GNPAT: variants seen among roughly 807,000 people sequenced by gnomAD.
GNPAT encodes glyceronephosphate O-acyltransferase.
A neutral mutation model predicts 78.4 loss-of-function variants in GNPAT; 30 were observed. The ratio of observed to expected loss-of-function variants is 0.38; its 90% CI spans 0.29 to 0.52. The LOEUF (loss-of-function observed/expected upper bound fraction) is 0.52, where lower values mean the gene tolerates loss of function less well. Among genes scored for constraint, GNPAT ranks in the 20% least tolerant of loss-of-function variants. The probability of loss-of-function intolerance (pLI) is 0.84; values close to 1 mark genes in which losing one functional copy is unlikely to be tolerated. For missense variants in GNPAT, 714 were observed against 812.2 expected, an observed-to-expected ratio of 0.88 and a Z score of 1.47; for synonymous variants, 271 against 281.1, an observed-to-expected ratio of 0.96 and a Z score of 0.36.
intron 2 of GNPAT, among the ~76,000 whole-genome samples, chr1:231,259,041 C>CT (rs1405438483): frequency 1.3e-5 from 2 of 152,120 alleles, no homozygotes; most frequent in Non-Finnish European, 2.9e-5. Context: ...CATATCATCC[C>CT]TTTACTTCTC....
intron 1 of GNPAT, among the ~76,000 whole-genome samples, chr1:231,248,467 G>A (rs1165936864): frequency 6.6e-6 from 1 of 151,768 alleles, no homozygotes; most frequent in Non-Finnish European, 1.5e-5. Flanking sequence ...GGTGGTTCAC[G>A]CCTGTAATCC....
chr1:231,277,321 T>C (rs753765896), intron 15 of GNPAT, among the ~76,000 whole-genome samples, 178 bp from the exon 16 acceptor site: 3 of 152,212 alleles, frequency 2.0e-5, no homozygotes, highest in Non-Finnish European at 4.4e-5. Flanking sequence ...CTGTCACCTC[T>C]TGGAGCATCT....
Position 231,270,906 on chromosome 1 carries a change from CAT to C in GNPAT, c.1429_1430del (p.Met477ValfsTer5), listed in dbSNP as rs1571955597. 1.2e-6 allele frequency: 2 copies of C among 1,613,912 alleles called. No individual in the cohort carries two copies. Among genetic ancestry groups the C allele is most frequent in the Non-Finnish European group, 1.7e-6 (2 of 1,179,742 alleles). ...TTATGCTCCAGCACATCACTCTCCT[CAT>C]GTGCTCAGCTTATAGGAACCAGCTG... ...GLMLQHITLL[M>X]CSAYRNQLLN... On this transcript the variant is annotated frameshift_variant, in exon 10 of 16. Transcript: ENST00000366647. LOFTEE classifies it high-confidence loss of function.
chr1:231,277,790 T>G lies in GNPAT; in HGVS notation c.*248T>G, dbSNP rs1685758623. 2.1e-6 allele frequency: 1 copy of G among 468,344 alleles called. No homozygotes were observed. The highest frequency in any genetic ancestry group is 3.6e-5 in the Admixed American group (1 of 28,114). 29.0% of individuals were successfully genotyped at this position (468,344 alleles called of 1,614,324 possible). A position where few individuals can be genotyped will look rare whatever the true frequency, so the allele number is the denominator to read the frequency against. On this transcript the variant is annotated 3_prime_UTR_variant, in exon 16 of 16. Transcript: ENST00000366647. The stretch of plus-strand genomic sequence containing the variant: ...TTAAAATAAACTTTTGGAAACATGT[T>G]TGGAAAAGCAAAGCTCAGCTCATTT...
At position 231,277,655 on chromosome 1, in the gene GNPAT, C is replaced by A; in HGVS notation, c.*113C>A. On this transcript the variant is annotated 3_prime_UTR_variant, in exon 16 of 16. Transcript: ENST00000366647. The stretch of plus-strand genomic sequence containing the variant: ...ACACATCCTCTCATACTCCCTGAGA[C>A]TCTGAGAACAGTGGACGCAGAGGGA... 1 of 756,336 alleles carries A rather than the reference C, an allele frequency of 1.3e-6. No homozygotes were observed. The allele number at this position is 756,336 out of a possible 1,614,324, so 46.9% of individuals were successfully genotyped here.
intron 11 of GNPAT, among the ~76,000 whole-genome samples, chr1:231,272,670 C>G (rs565340052): frequency 1.2e-4 from 18 of 152,252 alleles, no homozygotes; most frequent in African/African-American, 4.1e-4. Context: ...TTTTAGTAAA[C>G]GTTTAAAAAT....
intron 4 of GNPAT, among the ~76,000 whole-genome samples, chr1:231,264,694 T>C (rs1281789093): frequency 2.6e-5 from 4 of 152,244 alleles, no homozygotes; most frequent in Non-Finnish European, 4.4e-5. Flanking sequence ...TTGCCTTATT[T>C]AATCTCTTCC....
At chr1:231,259,852 G>A (rs1408652226) in intron 2 of GNPAT, among the ~76,000 whole-genome samples, 1 of 152,084 alleles carries the variant, frequency 6.6e-6, no homozygotes, top group Admixed American at 6.6e-5. Flanking sequence ...GCTTGTTTAG[G>A]GGACAATGAA....
rs747362348 is a variant in GNPAT, at chr1:231,275,353, T to C, written c.1843+33T>C. The stretch of plus-strand genomic sequence containing the variant: ...ACTGCTCTGTGGGTGCTGATTTCTT[T>C]TAGTTGAGAATAGAAACTGGTCAAC... On this transcript the variant is annotated intron_variant, in intron 13 of 15. Coordinates refer to ENST00000366647, the MANE Select transcript of GNPAT (RefSeq NM_014236.4). The C allele has an allele frequency of 6.4e-6, 10 of 1,571,650 alleles. No individual in the cohort carries two copies. The East Asian group carries it at 6.7e-5, about 11-fold the overall frequency.
At chr1:231,261,379 T>G (rs1371426968) in intron 3 of GNPAT, among the ~76,000 whole-genome samples, 1 of 151,840 alleles carries the variant, frequency 6.6e-6, no homozygotes, top group Non-Finnish European at 1.5e-5. Context: ...AAGTGTGAAA[T>G]GGTTTGAATT....
intron 1 of GNPAT, among the ~76,000 whole-genome samples, chr1:231,241,841 C>T (rs1684619141): frequency 6.6e-6 from 1 of 152,214 alleles, no homozygotes; most frequent in African/African-American, 2.4e-5. Context: ...GGGTTTGACC[C>T]GCCCTGAGAT....
At chr1:231,265,858 T>G (rs772150098) in intron 6 of GNPAT, 71 bp downstream of exon 6, 1 of 1,094,198 alleles carries the variant, frequency 9.1e-7, no homozygotes, top group Non-Finnish European at 1.4e-6. Context: ...ACTTGACGCT[T>G]TATTTAACAA....
At position 231,270,900 on chromosome 1, in the gene GNPAT, T is replaced by C. The variant is rs1386382714; in HGVS notation, c.1422T>C (p.Thr474=). ...ATGGGCTTATGCTCCAGCACATCAC[T>C]CTCCTCATGTGCTCAGCTTATAGGA... ...VVDGLMLQHI[T]LLMCSAYRNQ... is the part of the protein sequence containing the mutation. Residue 474 remains threonine (T), a synonymous_variant, in exon 10 of 16, where the codon ACT becomes ACC. Coordinates refer to ENST00000366647, the MANE Select transcript of GNPAT (RefSeq NM_014236.4). The C allele has an allele frequency of 6.2e-7, 1 of 1,613,930 alleles. No homozygotes were observed. The highest frequency in any genetic ancestry group is 1.7e-5 in the Admixed American group (1 of 60,026).
At chr1:231,243,001 G>A (rs1051772853) in intron 1 of GNPAT, among the ~76,000 whole-genome samples, 2 of 152,212 alleles carry the variant, frequency 1.3e-5, no homozygotes, top group Non-Finnish European at 2.9e-5. Context: ...CTGTTATTGT[G>A]TAATATTCTG....
intron 1 of GNPAT, among the ~76,000 whole-genome samples, chr1:231,247,648 A>C (rs1445746341): frequency 6.6e-6 from 1 of 152,188 alleles, no homozygotes; most frequent in African/African-American, 2.4e-5. Flanking sequence ...TGTTCTTCAT[A>C]AAAGAGACTG....
In GNPAT at chr1:231,275,395, C is replaced by G. The variant is rs554783203; in HGVS notation, c.1844-10C>G. On this transcript the variant is annotated splice_polypyrimidine_tract_variant and intron_variant, in intron 13 of 15. Coordinates refer to ENST00000366647, the MANE Select transcript of GNPAT (RefSeq NM_014236.4). ...CTGGTCAACTAACTCTTCCTCACCC[C>G]CAATTTTAGGTACCTCTCAATGTTA... 4 of 1,593,930 alleles carry G rather than the reference C, an allele frequency of 2.5e-6. No homozygotes were observed. In the African/African-American group the frequency reaches 5.4e-5, roughly 21 times the overall value.
chr1:231,257,447 A>C (rs935333360), intron 2 of GNPAT, among the ~76,000 whole-genome samples: 1 of 152,096 alleles, frequency 6.6e-6, no homozygotes, highest in African/African-American at 2.4e-5. Context: ...GGGCCCCTTC[A>C]TCTCCACGTT....
chr1:231,276,765 AATCAG>A (rs1027354255), intron 15 of GNPAT, among the ~76,000 whole-genome samples: 5 of 152,228 alleles, frequency 3.3e-5, no homozygotes, highest in African/African-American at 1.2e-4. Flanking sequence ...ACAGAGGTAC[AATCAG>A]AGGGGGTCAA....
At chr1:231,251,230 A>T (rs1052914800) in intron 2 of GNPAT, 87 bp downstream of exon 2, 7 of 771,214 alleles carry the variant, frequency 9.1e-6, no homozygotes, top group Non-Finnish European at 1.5e-5. Flanking sequence ...ACTTTAATAT[A>T]TCCTTTTAGG....
Sources: gnomAD v4.1 joint callset for allele counts (sites outside exome capture counted in the v4.1 genomes callset) on GRCh38, gnomAD v4.1.1 for gene constraint, MANE v1.5 for transcripts, NCBI Gene and HGNC (gene_info 2026-07-23, HGNC 2026-07-21) for gene names.